Variants in PRKAG2 observed in about 807,000 individuals in gnomAD.
PRKAG2 encodes the protein protein kinase AMP-activated non-catalytic subunit gamma 2, also known as 5'-AMP-activated protein kinase subunit gamma-2.
In PRKAG2, 26 loss-of-function variants were observed where a neutral mutation model predicts 69.6. The ratio of observed to expected loss-of-function variants is 0.37; its 90% CI spans 0.27 to 0.52. The LOEUF is 0.52. Among genes scored for constraint, PRKAG2 ranks in the 20% least tolerant of loss-of-function variants. PRKAG2 has a pLI of 0.90. For synonymous variants in PRKAG2, 293 were observed against 285.0 expected (o/e 1.03, Z -0.28); for missense variants, 557 against 740.0 (o/e 0.75, Z 2.87).
At chr7:151,575,474 G>A (rs1024162784) in intron 7 of PRKAG2, among the ~76,000 whole-genome samples, 2 of 152,100 alleles carry the variant, frequency 1.3e-5, no homozygotes, top group Admixed American at 6.6e-5. Flanking sequence ...CAGACATAAC[G>A]ATCATTTCAA....
chr7:151,861,860 C>T lies in PRKAG2; in HGVS notation c.114+14647G>A, dbSNP rs575806441. ...GCAATCATTGACACCGGGGTTGCGA[C>T]CTTGGCCTCTGGCACCCAAACTCAT... On this transcript the variant is annotated intron_variant, in intron 1 of 15. Coordinates refer to ENST00000287878, the MANE Select transcript of PRKAG2 (RefSeq NM_016203.4). Among the ~76,000 whole-genome samples the T allele has an allele frequency of 1.2e-4, 18 of 152,132 alleles. No individual in the cohort carries two copies. In the East Asian group the frequency reaches 2.3e-3, roughly 20 times the overall value.
intron 4 of PRKAG2, among the ~76,000 whole-genome samples, chr7:151,664,415 T>G (rs1417215533): frequency 1.3e-5 from 2 of 152,114 alleles, no homozygotes; most frequent in South Asian, 2.1e-4. Flanking sequence ...GTCACTCTCA[T>G]CTTTTAAAAG....
intron 3 of PRKAG2, among the ~76,000 whole-genome samples, chr7:151,712,020 T>C (rs2536077): frequency 0.67 from 101,556 of 152,082 alleles, 35,660 homozygotes; most frequent in African/African-American, 0.87. Flanking sequence ...TCTCGGGTGA[T>C]GGAGGAGGTG....
At chr7:151,710,437 G>A (rs912967950) in intron 3 of PRKAG2, among the ~76,000 whole-genome samples, 1 of 152,144 alleles carries the variant, frequency 6.6e-6, no homozygotes, top group African/African-American at 2.4e-5. Context: ...GAGGCCACAT[G>A]AACCTTCGTG....
intron 1 of PRKAG2, among the ~76,000 whole-genome samples, chr7:151,790,090 G>C (rs1340550967): frequency 6.6e-6 from 1 of 152,002 alleles, no homozygotes; most frequent in Non-Finnish European, 1.5e-5. Flanking sequence ...CTCTCATTTT[G>C]CTTCAGCCAC....
At chr7:151,747,918 CTTTTT>C (rs34915377) in intron 3 of PRKAG2, among the ~76,000 whole-genome samples, 1 of 114,260 alleles carries the variant, frequency 8.8e-6, no homozygotes. Flanking sequence ...AAAAAACTTA[CTTTTT>C]TTTTTTTTTT....
chr7:151,683,014 T>A (rs1834117789), intron 3 of PRKAG2, among the ~76,000 whole-genome samples: 1 of 152,316 alleles, frequency 6.6e-6, no homozygotes, highest in East Asian at 1.9e-4. Context: ...TGAGAAGACA[T>A]CTCCTCCTTT....
At chr7:151,659,611 G>A (rs931889293) in intron 4 of PRKAG2, among the ~76,000 whole-genome samples, 1 of 152,190 alleles carries the variant, frequency 6.6e-6, no homozygotes, top group Admixed American at 6.5e-5. Flanking sequence ...TACAGTTAAT[G>A]CCTGGTGGGA....
rs2076422165 is a variant in PRKAG2 at position 151,777,347 on chromosome 7, G to A, written c.466+3805C>T. Reference sequence around the variant, plus strand: ...AGTCTTGGATCCACCTCTGATAGAGGTTGAGTGTTTCTTCCCCGCTCTCAG... The same window carrying A: ...AGTCTTGGATCCACCTCTGATAGAGATTGAGTGTTTCTTCCCCGCTCTCAG... On this transcript the variant is annotated intron_variant, in intron 3 of 15. Coordinates refer to ENST00000287878, the MANE Select transcript of PRKAG2 (RefSeq NM_016203.4). This position sits in a 1 kb window ranked among gnomAD's most constrained non-coding sequence, Gnocchi z 4.3. Among the ~76,000 whole-genome samples, 1 of 152,214 alleles carries A rather than the reference G, an allele frequency of 6.6e-6. No individual in the cohort carries two copies. The highest frequency in any genetic ancestry group is 2.4e-5 in the African/African-American group (1 of 41,448).
chr7:151,647,534 G>C (rs908019373), intron 4 of PRKAG2, among the ~76,000 whole-genome samples: 1 of 152,236 alleles, frequency 6.6e-6, no homozygotes, highest in Non-Finnish European at 1.5e-5. Context: ...TGAGAGGAAG[G>C]CTTCCTACAG....
chr7:151,653,269 G>A (rs755673001), intron 4 of PRKAG2, among the ~76,000 whole-genome samples: 5 of 151,948 alleles, frequency 3.3e-5, no homozygotes, highest in East Asian at 1.9e-4. Context: ...AAAAAAATAC[G>A]TTAGCTTTTT....
chr7:151,848,041 G>A (rs1396463287), intron 1 of PRKAG2, among the ~76,000 whole-genome samples: 1 of 152,178 alleles, frequency 6.6e-6, no homozygotes, highest in Admixed American at 6.5e-5. Flanking sequence ...TTTAAACTAC[G>A]CCACCCCTCC....
chr7:151,865,247 T>C (rs955519348), intron 1 of PRKAG2, among the ~76,000 whole-genome samples: 1 of 152,228 alleles, frequency 6.6e-6, no homozygotes, highest in South Asian at 2.1e-4. Flanking sequence ...CACGGCCCAG[T>C]TGTCCCCGCG....
intron 1 of PRKAG2, among the ~76,000 whole-genome samples, chr7:151,851,851 A>G (rs1056547371): frequency 3.3e-5 from 5 of 152,138 alleles, no homozygotes. Context: ...CATCACTGCT[A>G]AAACACTGCT....
intron 3 of PRKAG2, among the ~76,000 whole-genome samples, chr7:151,774,048 G>C (rs1209386158): frequency 6.6e-6 from 1 of 152,168 alleles, no homozygotes; most frequent in Admixed American, 6.5e-5. Context: ...GTCATTTGCT[G>C]ACTGCTGCAT....
At chr7:151,783,207 C>T (rs1162027276) in intron 2 of PRKAG2, among the ~76,000 whole-genome samples, 3 of 152,236 alleles carry the variant, frequency 2.0e-5, no homozygotes, top group African/African-American at 4.8e-5. Flanking sequence ...CCGAAAGAGC[C>T]GGCGCCGCCA....
intron 5 of PRKAG2, among the ~76,000 whole-genome samples, chr7:151,610,874 C>A (rs1818664111): frequency 6.7e-6 from 1 of 149,192 alleles, no homozygotes; most frequent in Non-Finnish European, 1.5e-5. Context: ...GCCTTAGCTT[C>A]CTGAGTAGCT....
intron 3 of PRKAG2, among the ~76,000 whole-genome samples, chr7:151,724,720 C>T (rs992963269): frequency 2.0e-5 from 3 of 152,202 alleles, no homozygotes; most frequent in African/African-American, 7.2e-5. Context: ...CCGGAGCAGC[C>T]GCTTGCCCGC....
intron 3 of PRKAG2, among the ~76,000 whole-genome samples, chr7:151,751,618 G>A (rs1214889888): frequency 6.6e-6 from 1 of 151,986 alleles, no homozygotes; most frequent in Non-Finnish European, 1.5e-5. Flanking sequence ...TGATCATCCT[G>A]CCTCAGACTC....
Sources: allele counts gnomAD v4.1 joint callset (sites outside exome capture counted in the v4.1 genomes callset), GRCh38; gene constraint gnomAD v4.1.1; non-coding constraint Gnocchi (gnomAD v3.1); transcripts MANE v1.5; gene names NCBI Gene and HGNC (gene_info 2026-07-23, HGNC 2026-07-21).